Variants in CDK6 observed in about 807,000 individuals in gnomAD.
CDK6 encodes the protein cyclin-dependent kinase 6.
CDK6 carries 6 observed loss-of-function variants against 37.1 expected under a neutral mutation model. That is an observed-to-expected ratio of 0.16 (90% CI 0.09 to 0.32). The LOEUF is 0.32. Among genes scored for constraint, CDK6 ranks in the 10% least tolerant of loss-of-function variants. The pLI, the probability that CDK6 is intolerant of heterozygous loss-of-function variation, is 1.00. For synonymous variants in CDK6, 160 were observed against 161.3 expected (o/e 0.99, Z 0.06); for missense variants, 224 against 418.9 (o/e 0.53, Z 4.06).
intron 4 of CDK6, among the ~76,000 whole-genome samples, chr7:92,693,195 C>A (rs1444139639): frequency 3.3e-5 from 5 of 152,258 alleles, no homozygotes; most frequent in African/African-American, 9.6e-5. Context: ...TACCTGTGAA[C>A]CTATAACATG....
At chr7:92,803,431 T>C (rs138938802) in intron 2 of CDK6, among the ~76,000 whole-genome samples, 133 of 152,214 alleles carry the variant, frequency 8.7e-4, no homozygotes, top group African/African-American at 3.1e-3. Flanking sequence ...GGTGCAACCT[T>C]TGAAGATGAG....
At chr7:92,631,723 T>C (rs1392391077) in intron 5 of CDK6, among the ~76,000 whole-genome samples, 1 of 152,140 alleles carries the variant, frequency 6.6e-6, no homozygotes, top group Non-Finnish European at 1.5e-5. Context: ...TACCTACACA[T>C]ATAGGATGAC....
chr7:92,822,383 A>G (rs1801196682), intron 2 of CDK6, among the ~76,000 whole-genome samples: 1 of 152,140 alleles, frequency 6.6e-6, no homozygotes, highest in Admixed American at 6.5e-5. Flanking sequence ...TAGAGACTAC[A>G]TAATTTTGAA....
At chr7:92,780,744 A>G (rs1799966818) in intron 2 of CDK6, among the ~76,000 whole-genome samples, 1 of 149,748 alleles carries the variant, frequency 6.7e-6, no homozygotes, top group Non-Finnish European at 1.5e-5. Flanking sequence ...CAGCCTGGGC[A>G]ATGAGCGAGA....
rs576132116 is a variant in CDK6 at position 92,709,632 on chromosome 7, TAACA to T, written c.537+15990_537+15993del. Among the ~76,000 whole-genome samples, 476 of 152,352 alleles carry T rather than the reference TAACA, an allele frequency of 3.1e-3. 1 individual carries two copies. The highest frequency in any genetic ancestry group is 0.01 in the African/African-American group (426 of 41,578). ...ACTTTTAATCATATGAATATATTAATAACAAACATACTATTTATGTAATATAAAT... is the reference window on the plus strand; with the variant it reads ...ACTTTTAATCATATGAATATATTAATAACATACTATTTATGTAATATAAAT... On this transcript the variant is annotated intron_variant, in intron 4 of 7. Coordinates refer to ENST00000424848, the MANE Select transcript of CDK6 (RefSeq NM_001145306.2).
Position 92,606,014 on chromosome 7 carries a change from T to A in CDK6, c.*9126A>T, listed in dbSNP as rs973076224. On this transcript the variant is annotated 3_prime_UTR_variant, in exon 8 of 8. Coordinates refer to ENST00000424848, the MANE Select transcript of CDK6 (RefSeq NM_001145306.2). ...AACTCAAAGCACCAAAACAGAGCAT[T>A]CTGTAGCAATATAAGCAAACGGAAT... 1 of 233,536 alleles carries A rather than the reference T, an allele frequency of 4.3e-6. No individual in the cohort carries two copies. The highest frequency in any genetic ancestry group is 2.2e-5 in the African/African-American group (1 of 45,332). 14.5% of individuals were successfully genotyped at this position (233,536 alleles called of 1,614,324 possible).
Position 92,662,034 on chromosome 7 carries a change from C to A in CDK6, c.647+9392G>T, listed in dbSNP as rs1266107670. On this transcript the variant is annotated intron_variant, in intron 5 of 7. Coordinates refer to ENST00000424848, the MANE Select transcript of CDK6 (RefSeq NM_001145306.2). Reference sequence around the variant, plus strand: ...GGGGAATACAAAGGGGAATGAGAATCTTTTCCAGAATGGAGAGACAAGGGC... The same window carrying A: ...GGGGAATACAAAGGGGAATGAGAATATTTTCCAGAATGGAGAGACAAGGGC... 2.0e-5 allele frequency among the ~76,000 whole-genome samples: 3 copies of A among 152,078 alleles called. No individual in the cohort carries two copies. The East Asian group carries it at 5.8e-4, about 29-fold the overall frequency.
At chr7:92,737,510 A>G (rs894652229) in intron 3 of CDK6, among the ~76,000 whole-genome samples, 1 of 152,202 alleles carries the variant, frequency 6.6e-6, no homozygotes, top group African/African-American at 2.4e-5. Flanking sequence ...CTCTCTGACT[A>G]TTGAGATTTC....
At chr7:92,736,351 C>T (rs991797084) in intron 3 of CDK6, among the ~76,000 whole-genome samples, 4 of 152,042 alleles carry the variant, frequency 2.6e-5, no homozygotes, top group African/African-American at 7.3e-5. Flanking sequence ...GGTGATGCTA[C>T]ACGGAAGCAC....
intron 5 of CDK6, among the ~76,000 whole-genome samples, chr7:92,669,232 G>T (rs1038913668): frequency 6.6e-6 from 1 of 152,192 alleles, no homozygotes; most frequent in African/African-American, 2.4e-5. Flanking sequence ...TTTTGTATAT[G>T]TTCCAGGTCG....
At chr7:92,756,421 T>A (rs1475041075) in intron 3 of CDK6, among the ~76,000 whole-genome samples, 65 of 152,200 alleles carry the variant, frequency 4.3e-4, no homozygotes, top group Admixed American at 4.3e-3. Context: ...AAAACAAGAA[T>A]CTATTTAATT....
At chr7:92,827,603 C>A (rs1801358472) in intron 2 of CDK6, among the ~76,000 whole-genome samples, 1 of 152,158 alleles carries the variant, frequency 6.6e-6, no homozygotes, top group Non-Finnish European at 1.5e-5. Flanking sequence ...CCTGCCTGCT[C>A]CACCAAACCT....
chr7:92,779,362 G>A (rs1232211046), intron 2 of CDK6, among the ~76,000 whole-genome samples: 1 of 152,146 alleles, frequency 6.6e-6, no homozygotes, highest in African/African-American at 2.4e-5. Context: ...TCAATCGGTA[G>A]TTTTTAAAAC....
intron 2 of CDK6, among the ~76,000 whole-genome samples, chr7:92,825,465 C>A (rs1241290820): frequency 6.6e-6 from 1 of 151,756 alleles, no homozygotes; most frequent in East Asian, 1.9e-4. Context: ...TGCGTGCACA[C>A]ACACACACAC....
intron 5 of CDK6, among the ~76,000 whole-genome samples, chr7:92,631,268 C>T (rs1796044887): frequency 6.6e-6 from 1 of 152,092 alleles, no homozygotes; most frequent in Non-Finnish European, 1.5e-5. Flanking sequence ...TCCTGGGAAA[C>T]CTCTCTGTCC....
At position 92,671,432 on chromosome 7, in the gene CDK6, C is replaced by T. The variant is rs1797069602; in HGVS notation, c.641G>A (p.Arg214His). 1.9e-6 allele frequency: 3 copies of T among 1,549,652 alleles called. No homozygotes were observed. Among genetic ancestry groups the T allele is most frequent in the Non-Finnish European group, 2.6e-6 (3 of 1,147,394 alleles). The change falls in exon 5 of 8, where the codon CGT (arginine) becomes CAT (histidine). Residue 214 changes from arginine to histidine, a missense_variant. Transcript: ENST00000424848. ...SVGCIFAEMFRRKPLFRGSSD... is the reference protein window; with the variant it reads ...SVGCIFAEMFHRKPLFRGSSD... ...AACAAAATGTATTTCTTACTTTCTA[C>T]GAAACATTTCTGCAAATATGCAGCC...
At chr7:92,805,053 A>T (rs1447553903) in intron 2 of CDK6, among the ~76,000 whole-genome samples, 1 of 152,192 alleles carries the variant, frequency 6.6e-6, no homozygotes, top group Non-Finnish European at 1.5e-5. Flanking sequence ...TAATTTCTTA[A>T]CCTCTAAATA....
intron 5 of CDK6, among the ~76,000 whole-genome samples, chr7:92,641,646 C>T (rs1021911223): frequency 6.6e-6 from 1 of 152,076 alleles, no homozygotes; most frequent in African/African-American, 2.4e-5. Flanking sequence ...ACATAAGATG[C>T]ATACATTATA....
In CDK6 at chr7:92,611,867, T is replaced by A. The variant is rs1795569638; in HGVS notation, c.*3273A>T. ...TAAATGAAAAGTCTGCCATTCACAGTGTGTGCTTCCTGAGAGAAAATCATG... is the reference window on the plus strand; with the variant it reads ...TAAATGAAAAGTCTGCCATTCACAGAGTGTGCTTCCTGAGAGAAAATCATG... On this transcript the variant is annotated 3_prime_UTR_variant, in exon 8 of 8. Transcript: ENST00000424848. 4.3e-6 allele frequency: 1 copy of A among 232,180 alleles called. No individual in the cohort carries two copies. The highest frequency in any genetic ancestry group is 5.6e-5 in the Admixed American group (1 of 17,738). The allele number at this position is 232,180 out of a possible 1,614,324, so 14.4% of individuals were successfully genotyped here.
Sources: allele counts gnomAD v4.1 joint callset (sites outside exome capture counted in the v4.1 genomes callset), GRCh38; gene constraint gnomAD v4.1.1; transcripts MANE v1.5; gene names NCBI Gene and HGNC (gene_info 2026-07-23, HGNC 2026-07-21).